Variants in ANO3 observed in about 807,000 individuals in gnomAD.
The protein encoded by ANO3 is anoctamin-3.
Under a neutral mutation model 144.8 loss-of-function variants are expected in ANO3, and 99 were observed. The ratio of observed to expected loss-of-function variants is 0.68; its 90% CI spans 0.58 to 0.81. ANO3 has a LOEUF of 0.81. ANO3 is among the 30% of genes least tolerant of loss of function. The pLI, the probability that ANO3 is intolerant of heterozygous loss-of-function variation, is 0.00. For missense variants in ANO3, 905 were observed against 1,202.2 expected (o/e 0.75, Z 3.66); for synonymous variants, 414 against 392.6 (o/e 1.05, Z -0.64).
intron 6 of ANO3, among the ~76,000 whole-genome samples, chr11:26,524,621 A>G (rs549827638): frequency 6.6e-6 from 1 of 152,264 alleles, no homozygotes; most frequent in South Asian, 2.1e-4. Flanking sequence ...GAGCTCCAAC[A>G]TGAGCATGTA....
chr11:26,440,611 C>T (rs1858477850), intron 1 of ANO3, among the ~76,000 whole-genome samples: 1 of 152,074 alleles, frequency 6.6e-6, no homozygotes, highest in African/African-American at 2.4e-5. Context: ...ATCTACTCCA[C>T]CTCAAGTAAA....
chr11:26,652,194 T>C (rs1853555217), intron 24 of ANO3, among the ~76,000 whole-genome samples: 1 of 152,220 alleles, frequency 6.6e-6, no homozygotes, highest in Admixed American at 6.5e-5. Flanking sequence ...CACTTTAAAT[T>C]TGTATCACAT....
At chr11:26,543,626 A>T (rs942757870) in intron 11 of ANO3, among the ~76,000 whole-genome samples, 1 of 151,926 alleles carries the variant, frequency 6.6e-6, no homozygotes, top group Non-Finnish European at 1.5e-5. Flanking sequence ...ACACCACGAC[A>T]GGCCCCAGTG....
chr11:26,520,544 T>A (rs1328102784), intron 6 of ANO3, among the ~76,000 whole-genome samples: 1 of 152,210 alleles, frequency 6.6e-6, no homozygotes, highest in African/African-American at 2.4e-5. Flanking sequence ...TAAAAATATT[T>A]TAAAATATGC....
intron 1 of ANO3, among the ~76,000 whole-genome samples, chr11:26,402,392 G>A (rs1223108469): frequency 6.6e-6 from 1 of 151,954 alleles, no homozygotes; most frequent in Non-Finnish European, 1.5e-5. Context: ...AATGATTAAT[G>A]ATGTTCAGCT....
chr11:26,565,665 G>A lies in ANO3; in HGVS notation c.1447+5886G>A, dbSNP rs771144568. ...AGGGGAATGACTCGCCTTGAGATTT[G>A]AGGTGGTTATATTTTCTTTATCTGA... On this transcript the variant is annotated intron_variant, in intron 14 of 26. Coordinates refer to ENST00000256737, the MANE Select transcript of ANO3 (RefSeq NM_031418.4). 3 of 1,606,978 alleles carry A rather than the reference G, an allele frequency of 1.9e-6. No individual in the cohort carries two copies. The South Asian group carries it at 3.3e-5, about 18-fold the overall frequency.
At chr11:26,259,431 T>C (rs375345967) in intron 1 of ANO3, among the ~76,000 whole-genome samples, 3 of 151,962 alleles carry the variant, frequency 2.0e-5, no homozygotes, top group East Asian at 1.9e-4. Context: ...AGGCGGATCA[T>C]GAGGTCAAGA....
At chr11:26,582,137 C>T (rs1851151033) in intron 14 of ANO3, among the ~76,000 whole-genome samples, 1 of 152,146 alleles carries the variant, frequency 6.6e-6, no homozygotes, top group African/African-American at 2.4e-5. Context: ...CCAGAACATC[C>T]CTACTCTAAT....
chr11:26,284,067 C>A (rs1024455284), intron 1 of ANO3, among the ~76,000 whole-genome samples: 2 of 152,086 alleles, frequency 1.3e-5, no homozygotes, highest in East Asian at 3.9e-4. Flanking sequence ...GAAGCACAGG[C>A]AGCTCCCAGA....
At chr11:26,299,093 A>T (rs1423334697) in intron 1 of ANO3, among the ~76,000 whole-genome samples, 1 of 152,250 alleles carries the variant, frequency 6.6e-6, no homozygotes, top group African/African-American at 2.4e-5. Flanking sequence ...ATTACCAGGC[A>T]TAAGAAATAA....
intron 1 of ANO3, among the ~76,000 whole-genome samples, chr11:26,269,680 G>A (rs1248284155): frequency 1.4e-5 from 2 of 145,070 alleles, no homozygotes; most frequent in Admixed American, 6.6e-5. Flanking sequence ...GTGCTGCACT[G>A]CAGCACACCT....
chr11:26,200,668 G>A (rs1411206701), intron 1 of ANO3, among the ~76,000 whole-genome samples: 1 of 152,050 alleles, frequency 6.6e-6, no homozygotes, highest in African/African-American at 2.4e-5. Flanking sequence ...CCATGCAAGA[G>A]GAATATTACA....
In ANO3 at chr11:26,365,973, T is replaced by TTTTTTTTTTA. The variant is rs1856062593; in HGVS notation, c.46+33652_46+33653insTTTTTTTTTA. 7.5e-5 allele frequency among the ~76,000 whole-genome samples: 4 copies of TTTTTTTTTTA among 53,426 alleles called. No homozygotes were observed. The South Asian group carries it at 1.4e-3, about 19-fold the overall frequency. 35.0% of individuals were successfully genotyped at this position (53,426 alleles called of 152,430 possible). ...TTTTCTTTATATATATATATATATA[T>TTTTTTTTTTA]ATATATATATATATATATATATATA... On this transcript the variant is annotated intron_variant, in intron 1 of 26. Transcript: ENST00000256737.
intron 1 of ANO3, among the ~76,000 whole-genome samples, chr11:26,370,627 TG>T (rs1188637272): frequency 6.6e-6 from 1 of 152,190 alleles, no homozygotes; most frequent in African/African-American, 2.4e-5. Flanking sequence ...CAGGAAGATG[TG>T]GGAACGTTTG....
intron 24 of ANO3, among the ~76,000 whole-genome samples, chr11:26,651,583 G>T (rs1199190038): frequency 3.3e-5 from 5 of 151,996 alleles, no homozygotes; most frequent in Non-Finnish European, 5.9e-5. Flanking sequence ...TTTTCTTTAA[G>T]AAACGGGTCA....
intron 1 of ANO3, among the ~76,000 whole-genome samples, chr11:26,375,496 G>A (rs1461366): frequency 0.27 from 40,656 of 152,034 alleles, 6,119 homozygotes; most frequent in African/African-American, 0.41. Context: ...ATTTGGTGGC[G>A]AAATGGAATG....
chr11:26,230,236 A>T (rs1462180762), intron 1 of ANO3, among the ~76,000 whole-genome samples: 1 of 152,142 alleles, frequency 6.6e-6, no homozygotes, highest in Admixed American at 6.5e-5. Context: ...AATGGACATG[A>T]AATAGGAAAG....
At chr11:26,444,625 G>T (rs1316801890) in intron 3 of ANO3, among the ~76,000 whole-genome samples, 1 of 152,122 alleles carries the variant, frequency 6.6e-6, no homozygotes, top group Non-Finnish European at 1.5e-5. Flanking sequence ...ATTGGTCTGA[G>T]GAGTGAAATT....
intron 1 of ANO3, among the ~76,000 whole-genome samples, chr11:26,243,579 A>G (rs527757888): frequency 3.0e-4 from 45 of 152,336 alleles, no homozygotes; most frequent in African/African-American, 9.9e-4. Flanking sequence ...CTGGAAATGC[A>G]GTTGAAAGTT....
Sources: allele counts gnomAD v4.1 joint callset (sites outside exome capture counted in the v4.1 genomes callset), GRCh38; gene constraint gnomAD v4.1.1; transcripts MANE v1.5; gene names NCBI Gene and HGNC (gene_info 2026-07-23, HGNC 2026-07-21).